Variants in MTMR9 observed in about 807,000 individuals in gnomAD.
The protein encoded by MTMR9 is myotubularin related protein 9, also known as myotubularin-related protein 9.
Under a neutral mutation model 69.5 loss-of-function variants are expected in MTMR9, and 39 were observed. The observed-to-expected ratio is 0.56, with a 90% confidence interval of 0.43 to 0.73. The LOEUF is 0.73. Ranked by LOEUF, MTMR9 falls within the 30% of genes least tolerant of loss-of-function variation. MTMR9 has a pLI of 0.00. For missense variants in MTMR9, 900 were observed against 671.2 expected (o/e 1.34, Z -3.77); for synonymous variants, 354 against 240.8 (o/e 1.47, Z -4.35).
downstream of MTMR9, chr8:11,331,235 C>T: frequency 2.5e-6 from 4 of 1,613,818 alleles, no homozygotes; most frequent in South Asian, 2.2e-5. Flanking sequence ...TGCTGGTGGC[C>T]CTGCTGGGTG....
At chr8:11,313,046 G>A (rs906866332) in intron 6 of MTMR9, among the ~76,000 whole-genome samples, 1 of 152,222 alleles carries the variant, frequency 6.6e-6, no homozygotes, top group African/African-American at 2.4e-5. Context: ...CATTTATAGA[G>A]CACAGGCAGA....
chr8:11,299,104 G>C (rs1799661440), intron 2 of MTMR9, among the ~76,000 whole-genome samples: 1 of 152,180 alleles, frequency 6.6e-6, no homozygotes, highest in Admixed American at 6.5e-5. Context: ...GAGGCAGGCA[G>C]ATCACCTGAG....
intron 1 of MTMR9, among the ~76,000 whole-genome samples, chr8:11,293,969 T>C (rs1799460100): frequency 6.6e-6 from 1 of 152,216 alleles, no homozygotes; most frequent in South Asian, 2.1e-4. Flanking sequence ...TGAAATTGTG[T>C]AGTGTTAGCC....
rs1800781681 is a variant in MTMR9 at position 11,323,379 on chromosome 8, T to A, written c.*591T>A. 1 of 152,252 alleles carries A rather than the reference T, an allele frequency of 6.6e-6. No individual in the cohort carries two copies. The highest frequency in any genetic ancestry group is 1.5e-5 in the Non-Finnish European group (1 of 68,042). The allele number at this position is 152,252 out of a possible 1,614,324, so 9.4% of individuals were successfully genotyped here. A position where few individuals can be genotyped will look rare whatever the true frequency, so the allele number is the denominator to read the frequency against. On this transcript the variant is annotated 3_prime_UTR_variant, in exon 10 of 10. Transcript: ENST00000221086. Reference sequence around the variant, plus strand: ...TGTTTGTCAAGAAAGGAAAATCTGTTATTCAAGGTAAATTATTTCTACAAG... The same window carrying A: ...TGTTTGTCAAGAAAGGAAAATCTGTAATTCAAGGTAAATTATTTCTACAAG...
intron 3 of MTMR9, among the ~76,000 whole-genome samples, chr8:11,303,860 CAT>C (rs1426055358): frequency 1.3e-5 from 2 of 152,106 alleles, no homozygotes; most frequent in African/African-American, 2.4e-5. Context: ...AAACTGGTAA[CAT>C]AAATAACTTT....
chr8:11,311,350 G>A (rs1309462793), intron 6 of MTMR9, among the ~76,000 whole-genome samples: 1 of 152,168 alleles, frequency 6.6e-6, no homozygotes, highest in East Asian at 1.9e-4. Flanking sequence ...ATAGGATTAA[G>A]TAAATTGCAG....
At chr8:11,308,219 T>G (rs1800045639) in intron 5 of MTMR9, among the ~76,000 whole-genome samples, 1 of 152,360 alleles carries the variant, frequency 6.6e-6, no homozygotes, top group South Asian at 2.1e-4. Flanking sequence ...GATTTTTGAG[T>G]ATGGTGTGAG....
At chr8:11,307,480 G>A (rs1424918403) in intron 5 of MTMR9, among the ~76,000 whole-genome samples, 1 of 152,108 alleles carries the variant, frequency 6.6e-6, no homozygotes, top group Non-Finnish European at 1.5e-5. Flanking sequence ...CTTGACTATT[G>A]TGAATAGTGC....
In MTMR9 at chr8:11,325,654, G is replaced by A. The variant is rs1193092118; in HGVS notation, c.*2866G>A. ...TATAAGGATCCTCAGATTTAAATAA[G>A]TACTTTTTTTTTTTTTAATCAGAAG... On this transcript the variant is annotated 3_prime_UTR_variant, in exon 10 of 10. Coordinates refer to ENST00000221086, the MANE Select transcript of MTMR9 (RefSeq NM_015458.4). The A allele has an allele frequency of 7.8e-6, 1 of 128,822 alleles. No homozygotes were observed. The highest frequency in any genetic ancestry group is 1.8e-5 in the Non-Finnish European group (1 of 56,854). 8.0% of individuals were successfully genotyped at this position (128,822 alleles called of 1,614,324 possible). A position where few individuals can be genotyped will look rare whatever the true frequency, so the allele number is the denominator to read the frequency against.
chr8:11,331,824 G>C (rs140527095), downstream of MTMR9: 1 of 1,611,918 alleles, frequency 6.2e-7, no homozygotes. Flanking sequence ...AGGCCTCTTT[G>C]TGCTGCAGAC....
At chr8:11,292,982 A>G (rs1211787106) in intron 1 of MTMR9, among the ~76,000 whole-genome samples, 1 of 152,360 alleles carries the variant, frequency 6.6e-6, no homozygotes, top group African/African-American at 2.4e-5. Context: ...TTGTTATTTT[A>G]GAGTATACTG....
chr8:11,311,797 C>T (rs774151253), intron 6 of MTMR9, among the ~76,000 whole-genome samples: 1 of 152,110 alleles, frequency 6.6e-6, no homozygotes, highest in Non-Finnish European at 1.5e-5. Flanking sequence ...GCATTTTTAC[C>T]CACGGTTGAA....
At chr8:11,301,897 G>T (rs958116202) in intron 3 of MTMR9, among the ~76,000 whole-genome samples, 1 of 152,088 alleles carries the variant, frequency 6.6e-6, no homozygotes, top group African/African-American at 2.4e-5. Flanking sequence ...AAAACAGAGA[G>T]GTTAGACACA....
At position 11,323,872 on chromosome 8, in the gene MTMR9, T is replaced by G. The variant is rs1422343806; in HGVS notation, c.*1084T>G. The G allele has an allele frequency of 6.6e-6, 1 of 152,168 alleles. No homozygotes were observed. The highest frequency in any genetic ancestry group is 1.9e-4 in the East Asian group (1 of 5,202). The allele number at this position is 152,168 out of a possible 1,614,324, so 9.4% of individuals were successfully genotyped here. ...AATATAACTTAAGTGGAGGGGGAAG[T>G]TTATGAATATAATATAGCTCTGTGT... is the stretch of plus-strand genomic sequence containing the variant. On this transcript the variant is annotated 3_prime_UTR_variant, in exon 10 of 10. Transcript: ENST00000221086.
intron 9 of MTMR9, chr8:11,321,688 C>G (rs140276380): frequency 9.9e-5 from 31 of 313,800 alleles, no homozygotes; most frequent in African/African-American, 6.7e-4. Context: ...TAAAATATCT[C>G]TCTGCTGTTT....
rs564209350 is a variant in MTMR9, at chr8:11,325,037, C to T, written c.*2249C>T. 3.3e-5 allele frequency: 5 copies of T among 152,360 alleles called. No homozygotes were observed. In the East Asian group the frequency reaches 9.6e-4, roughly 29 times the overall value. The allele number at this position is 152,360 out of a possible 1,614,324, so 9.4% of individuals were successfully genotyped here. The stretch of plus-strand genomic sequence containing the variant: ...TGTGCGAGCCAGAGTACAGTCATAA[C>T]ACGGTATTCGCATTTCGTTTTCTCT... On this transcript the variant is annotated 3_prime_UTR_variant, in exon 10 of 10. Coordinates refer to ENST00000221086, the MANE Select transcript of MTMR9 (RefSeq NM_015458.4).
At position 11,285,964 on chromosome 8, in the gene MTMR9, TTTTTTTG is replaced by T. The variant is rs1214704873; in HGVS notation, c.182+895_182+901del. ...TCTTTCTTTCTTTTTTTTTTTTTTT[TTTTTTTG>T]GAGACGAAATCTCACTGTATTGCCC... is the stretch of plus-strand genomic sequence containing the variant. On this transcript the variant is annotated intron_variant, in intron 1 of 9. Coordinates refer to ENST00000221086, the MANE Select transcript of MTMR9 (RefSeq NM_015458.4). Among the ~76,000 whole-genome samples, 96 of 143,656 alleles carry T rather than the reference TTTTTTTG, an allele frequency of 6.7e-4. 1 individual carries two copies. The highest frequency in any genetic ancestry group is 1.4e-3 in the African/African-American group (53 of 38,058). The allele number at this position is 143,656 out of a possible 152,430, so 94.2% of individuals were successfully genotyped here.
At chr8:11,294,084 G>A (rs978353628) in intron 1 of MTMR9, among the ~76,000 whole-genome samples, 6 of 152,162 alleles carry the variant, frequency 3.9e-5, no homozygotes, top group African/African-American at 1.4e-4. Context: ...AAAGTCTGCT[G>A]TGATTTTGTT....
intron 2 of MTMR9, among the ~76,000 whole-genome samples, chr8:11,295,899 C>G (rs1799539823): frequency 6.6e-6 from 1 of 152,150 alleles, no homozygotes; most frequent in Non-Finnish European, 1.5e-5. Context: ...CTATTCCCAT[C>G]TGCCCTCTAC....
Sources: gnomAD v4.1 joint callset for allele counts (sites outside exome capture counted in the v4.1 genomes callset) on GRCh38, gnomAD v4.1.1 for gene constraint, MANE v1.5 for transcripts, NCBI Gene and HGNC (gene_info 2026-07-23, HGNC 2026-07-21) for gene names.